GSTCD: variants seen among roughly 807,000 people sequenced by gnomAD.
The protein encoded by GSTCD is glutathione S-transferase C-terminal domain containing, also known as glutathione S-transferase C-terminal domain-containing protein.
Under a neutral mutation model 68.3 loss-of-function variants are expected in GSTCD, and 44 were observed. That is an observed-to-expected ratio of 0.64 (90% confidence interval 0.51 to 0.83). The LOEUF (loss-of-function observed/expected upper bound fraction) is 0.83. GSTCD is among the 40% of genes least tolerant of loss of function. The probability of loss-of-function intolerance (pLI) is 0.00; values close to 1 mark genes in which losing one functional copy is unlikely to be tolerated. For synonymous variants in GSTCD, 273 were observed against 255.2 expected, an observed-to-expected ratio of 1.07 and a Z score of -0.67; for missense variants, 739 against 735.9, an observed-to-expected ratio of 1.00 and a Z score of -0.05.
Position 105,729,444 on chromosome 4 carries a change from C to T in GSTCD, c.1185C>T (p.Cys395=). The T allele has an allele frequency of 1.2e-6, 2 of 1,611,834 alleles. No homozygotes were observed. Among genetic ancestry groups the T allele is most frequent in the Non-Finnish European group, 1.7e-6 (2 of 1,178,602 alleles). ...AAGTGATGTTTTCTCCCCACCCTTG[C>T]CCTACTTGGACTCTTGATTGGAATG... The part of the protein sequence containing the change: ...GIEVMFSPHP[C]PTWTLDWNVL... The change falls in exon 5 of 12, where the codon TGC becomes TGT. Residue 395 remains cysteine (C), a synonymous_variant. Transcript: ENST00000515279.
At position 105,726,656 on chromosome 4, in the gene GSTCD, A is replaced by G; in HGVS notation, c.972A>G (p.Glu324=). 1 of 1,613,832 alleles carries G rather than the reference A, an allele frequency of 6.2e-7. No individual in the cohort carries two copies. Among genetic ancestry groups the G allele is most frequent in the Non-Finnish European group, 8.5e-7 (1 of 1,179,840 alleles). ...LLASWYQRIQ[E]VPGVKTAASK... ...CCTCTTGGTACCAGAGGATTCAGGA[A>G]GTGCCAGGAGTAAAAACAGCAGCTT... The change falls in exon 4 of 12, where the codon GAA becomes GAG. Residue 324 remains glutamate (E), a synonymous_variant. Coordinates refer to ENST00000515279, the MANE Select transcript of GSTCD (RefSeq NM_001370181.1).
At chr4:105,751,895 T>C (rs1174935056) in intron 5 of GSTCD, among the ~76,000 whole-genome samples, 3 of 152,174 alleles carry the variant, frequency 2.0e-5, no homozygotes, top group Admixed American at 2.0e-4. Flanking sequence ...AAATTTAGCT[T>C]AGATATGTGA....
intron 5 of GSTCD, among the ~76,000 whole-genome samples, chr4:105,822,540 AAT>A (rs1301924444): frequency 6.6e-6 from 1 of 152,106 alleles, no homozygotes; most frequent in Non-Finnish European, 1.5e-5. Context: ...TACTCTTTAC[AAT>A]ATGTCTCTGA....
At chr4:105,747,488 G>A (rs967404514) in intron 5 of GSTCD, among the ~76,000 whole-genome samples, 1 of 152,082 alleles carries the variant, frequency 6.6e-6, no homozygotes, top group African/African-American at 2.4e-5. Context: ...TTACCCTAGG[G>A]AACCAATATA....
chr4:105,783,902 T>A (rs936167557), intron 5 of GSTCD, among the ~76,000 whole-genome samples: 1 of 152,212 alleles, frequency 6.6e-6, no homozygotes, highest in African/African-American at 2.4e-5. Flanking sequence ...TACAAGCAAA[T>A]TAGTTTGAAG....
intron 4 of GSTCD, among the ~76,000 whole-genome samples, chr4:105,728,532 G>A (rs547921650): frequency 7.2e-5 from 11 of 152,014 alleles, no homozygotes; most frequent in East Asian, 3.9e-4. Flanking sequence ...TATTTCCTTC[G>A]GGACACAAAT....
chr4:105,711,403 T>A (rs1036628284), intron 1 of GSTCD, among the ~76,000 whole-genome samples: 16 of 151,604 alleles, frequency 1.1e-4, no homozygotes, highest in African/African-American at 3.4e-4. Flanking sequence ...GTAACAAATA[T>A]GTTTTTTTTC....
At chr4:105,760,988 C>CT in intron 5 of GSTCD, 1 of 321,768 alleles carries the variant, frequency 3.1e-6, no homozygotes, top group Non-Finnish European at 5.8e-6. Flanking sequence ...TCTCATTATC[C>CT]TTTTTTAATT....
At chr4:105,721,559 TAGA>T (rs1480462180) in intron 3 of GSTCD, among the ~76,000 whole-genome samples, 1 of 152,128 alleles carries the variant, frequency 6.6e-6, no homozygotes, top group East Asian at 1.9e-4. Context: ...GGGTCAAAAT[TAGA>T]AGAACTAGGG....
intron 5 of GSTCD, among the ~76,000 whole-genome samples, chr4:105,759,185 A>T (rs1734306333): frequency 6.6e-6 from 1 of 152,176 alleles, no homozygotes; most frequent in African/African-American, 2.4e-5. Flanking sequence ...CAGGTTAAAC[A>T]ACATAGAGCC....
intron 5 of GSTCD, 76 bp from the exon 6 acceptor site, chr4:105,822,878 A>G (rs965744256): frequency 2.7e-5 from 25 of 941,556 alleles, no homozygotes; most frequent in Middle Eastern, 4.3e-4. Context: ...CTATGCTGGT[A>G]GTCTATTTTA....
intron 5 of GSTCD, 126 bp downstream of exon 5, chr4:105,729,625 C>T (rs1733162596): frequency 2.1e-6 from 1 of 465,518 alleles, no homozygotes; most frequent in African/African-American, 2.0e-5. Flanking sequence ...GTTGAGTTTT[C>T]ATTTTATTTT....
At chr4:105,744,878 A>G (rs1202730844) in intron 5 of GSTCD, among the ~76,000 whole-genome samples, 1 of 83,438 alleles carries the variant, frequency 1.2e-5, no homozygotes, top group East Asian at 1.0e-3. Flanking sequence ...ACCTGTATGT[A>G]TAGATCTATT....
chr4:105,798,910 A>G (rs1339193720), intron 5 of GSTCD, among the ~76,000 whole-genome samples: 1 of 152,184 alleles, frequency 6.6e-6, no homozygotes, highest in East Asian at 1.9e-4. Context: ...TCTGGATATG[A>G]AAGTCCTAGA....
intron 5 of GSTCD, among the ~76,000 whole-genome samples, chr4:105,731,741 T>C (rs1489711594): frequency 6.6e-6 from 1 of 152,012 alleles, no homozygotes; most frequent in East Asian, 1.9e-4. Context: ...TGAATAGGAG[T>C]GATGAGAGAG....
chr4:105,732,865 T>A (rs188899251), intron 5 of GSTCD, among the ~76,000 whole-genome samples: 93 of 152,358 alleles, frequency 6.1e-4, no homozygotes, highest in African/African-American at 2.2e-3. Flanking sequence ...GCTTTAAATG[T>A]GTCCCAGAGA....
intron 8 of GSTCD, among the ~76,000 whole-genome samples, chr4:105,831,259 G>A (rs1479430798): frequency 1.3e-5 from 2 of 152,126 alleles, no homozygotes; most frequent in Non-Finnish European, 2.9e-5. Flanking sequence ...AAGCAACACC[G>A]GAGAGAATGA....
intron 8 of GSTCD, among the ~76,000 whole-genome samples, chr4:105,832,422 T>C (rs569825819): frequency 4.2e-4 from 64 of 152,254 alleles, no homozygotes; most frequent in Non-Finnish European, 1.0e-4. Context: ...GTTATTCAAG[T>C]TACTTATTTC....
chr4:105,747,036 A>C (rs146895875), intron 5 of GSTCD, among the ~76,000 whole-genome samples: 3 of 152,320 alleles, frequency 2.0e-5, no homozygotes, highest in South Asian at 2.1e-4. Flanking sequence ...ATACAAGGTG[A>C]AGAATGAAAG....
Sources: allele counts gnomAD v4.1 joint callset (sites outside exome capture counted in the v4.1 genomes callset), GRCh38; gene constraint gnomAD v4.1.1; transcripts MANE v1.5; gene names NCBI Gene and HGNC (gene_info 2026-07-23, HGNC 2026-07-21).